The following PTPN13 variants were observed in gnomAD, a reference collection of about 807,000 sequenced individuals.
The protein encoded by PTPN13 is protein tyrosine phosphatase non-receptor type 13.
In PTPN13, 191 loss-of-function variants were observed where a neutral mutation model predicts 284.0. The observed-to-expected ratio is 0.67, with a 90% CI of 0.60 to 0.76. The LOEUF (loss-of-function observed/expected upper bound fraction) is 0.76, where lower values mean the gene tolerates loss of function less well. PTPN13 is among the 30% of genes least tolerant of loss of function. The pLI is 0.00. For synonymous variants in PTPN13, 986 were observed against 1,022.3 expected, an observed-to-expected ratio of 0.96 and a Z score of 0.68; for missense variants, 2,797 against 2,939.9, an observed-to-expected ratio of 0.95 and a Z score of 1.12.
chr4:86,783,855 A>G (rs1741608606), intron 37 of PTPN13, among the ~76,000 whole-genome samples: 1 of 152,010 alleles, frequency 6.6e-6, no homozygotes, highest in East Asian at 1.9e-4. Flanking sequence ...TGAACATTGC[A>G]TTCAAAATTT....
chr4:86,737,149 G>C (rs1735610037), intron 15 of PTPN13, among the ~76,000 whole-genome samples: 2 of 152,054 alleles, frequency 1.3e-5, no homozygotes, highest in Admixed American at 1.3e-4. Flanking sequence ...GCTGATGTAG[G>C]ATCACTTGAG....
intron 16 of PTPN13, among the ~76,000 whole-genome samples, chr4:86,743,389 G>A (rs1221450237): frequency 6.6e-6 from 1 of 150,458 alleles, no homozygotes; most frequent in East Asian, 1.9e-4. Flanking sequence ...TCATGTTTAT[G>A]CTTGAATCAG....
intron 40 of PTPN13, among the ~76,000 whole-genome samples, chr4:86,791,826 A>G (rs1288841239): frequency 1.3e-5 from 2 of 152,220 alleles, no homozygotes; most frequent in African/African-American, 4.8e-5. Flanking sequence ...CAAAAAGGAC[A>G]TCCACACCAA....
At chr4:86,719,023 G>T (rs559323760) in intron 9 of PTPN13, among the ~76,000 whole-genome samples, 106 of 152,100 alleles carry the variant, frequency 7.0e-4, no homozygotes, top group African/African-American at 2.4e-3. Flanking sequence ...ACATGTGAAG[G>T]TTTGTTATAT....
chr4:86,677,224 G>A (rs867398816), intron 3 of PTPN13, among the ~76,000 whole-genome samples: 2 of 151,628 alleles, frequency 1.3e-5, no homozygotes, highest in Admixed American at 6.6e-5. Context: ...CGGAGATCGC[G>A]CCACTGCACT....
chr4:86,711,636 A>G (rs1460535449), intron 7 of PTPN13, among the ~76,000 whole-genome samples: 1 of 152,216 alleles, frequency 6.6e-6, no homozygotes, highest in African/African-American at 2.4e-5. Flanking sequence ...GTCTAGTAAA[A>G]TAAGGAATAA....
At position 86,635,340 on chromosome 4, in the gene PTPN13, T is replaced by C. The variant is rs1722892102; in HGVS notation, c.84T>C (p.Ser28=). Residue 28 remains serine, a synonymous_variant, in exon 2 of 48, where the codon AGT becomes AGC. Transcript: ENST00000411767. ...EEEIWAVLNQ[S]AESLQELFRK... is the part of the protein sequence containing the mutation. ...AAATATGGGCTGTATTAAATCAAAG[T>C]GCTGAAAGTCTCCAAGAATTATTCA... is the stretch of plus-strand genomic sequence containing the variant. 5 of 1,603,984 alleles carry C rather than the reference T, an allele frequency of 3.1e-6. No individual in the cohort carries two copies. The African/African-American group carries it at 6.7e-5, about 21-fold the overall frequency.
intron 3 of PTPN13, among the ~76,000 whole-genome samples, chr4:86,681,649 C>T (rs557913979): frequency 1.4e-4 from 21 of 152,200 alleles, no homozygotes; most frequent in South Asian, 4.1e-4. Flanking sequence ...TAATGTAGGC[C>T]GGGCGTGGTG....
At chr4:86,605,464 G>A (rs111231484) in intron 1 of PTPN13, among the ~76,000 whole-genome samples, 1 of 151,866 alleles carries the variant, frequency 6.6e-6, no homozygotes, top group African/African-American at 2.4e-5. Context: ...ATTTAAAATG[G>A]CAGAGTGAGA....
intron 3 of PTPN13, among the ~76,000 whole-genome samples, chr4:86,681,943 A>G (rs919505414): frequency 6.6e-6 from 1 of 152,170 alleles, no homozygotes; most frequent in Non-Finnish European, 1.5e-5. Flanking sequence ...AAGAAAAAAA[A>G]AGGAAAGAAA....
chr4:86,731,830 C>T (rs1003771664), intron 10 of PTPN13, among the ~76,000 whole-genome samples: 13 of 152,050 alleles, frequency 8.5e-5, no homozygotes, highest in Admixed American at 4.6e-4. Context: ...TTTGTAGAAA[C>T]AGGGTCTAAC....
At chr4:86,803,021 T>G (rs1393877494) in intron 42 of PTPN13, among the ~76,000 whole-genome samples, 1 of 151,710 alleles carries the variant, frequency 6.6e-6, no homozygotes, top group Non-Finnish European at 1.5e-5. Context: ...TGCATTGAGC[T>G]GTGATTGTGC....
chr4:86,682,704 G>A (rs998626419), intron 3 of PTPN13, among the ~76,000 whole-genome samples: 1 of 152,132 alleles, frequency 6.6e-6, no homozygotes, highest in African/African-American at 2.4e-5. Flanking sequence ...AGTGATGTCA[G>A]TGCTGCTATA....
chr4:86,787,524 G>A (rs910651750), intron 40 of PTPN13, among the ~76,000 whole-genome samples: 11 of 151,770 alleles, frequency 7.2e-5, no homozygotes, highest in African/African-American at 2.4e-4. Flanking sequence ...CCTGGCAGAC[G>A]GAGGTTGCGG....
intron 7 of PTPN13, among the ~76,000 whole-genome samples, chr4:86,705,399 A>C (rs965993362): frequency 2.0e-5 from 3 of 151,824 alleles, no homozygotes; most frequent in Non-Finnish European, 4.4e-5. Context: ...TTTAGCTACT[A>C]TACAAAGAAA....
intron 33 of PTPN13, 36 bp from the exon 34 acceptor site, chr4:86,775,135 T>G: frequency 1.3e-6 from 2 of 1,484,274 alleles, no homozygotes. Context: ...TTTCTAAAAA[T>G]TGTGATCTTC....
At chr4:86,722,594 T>G (rs899670278) in intron 10 of PTPN13, among the ~76,000 whole-genome samples, 160 bp downstream of exon 10, 1 of 152,172 alleles carries the variant, frequency 6.6e-6, no homozygotes, top group Non-Finnish European at 1.5e-5. Context: ...ATCTTTTTGG[T>G]TGATTTTAAA....
intron 17 of PTPN13, among the ~76,000 whole-genome samples, chr4:86,746,860 A>T: frequency 6.6e-6 from 1 of 152,112 alleles, no homozygotes; most frequent in East Asian, 1.9e-4. Context: ...CAAACTCCTG[A>T]CCTTCGTGAT....
chr4:86,753,349 G>A (rs1737603286), intron 20 of PTPN13, among the ~76,000 whole-genome samples: 1 of 152,040 alleles, frequency 6.6e-6, no homozygotes, highest in South Asian at 2.1e-4. Context: ...TTTAACTGAG[G>A]CAGTTATTTT....
Sources: allele counts gnomAD v4.1 joint callset (sites outside exome capture counted in the v4.1 genomes callset), GRCh38; gene constraint gnomAD v4.1.1; transcripts MANE v1.5; gene names NCBI Gene and HGNC (gene_info 2026-07-23, HGNC 2026-07-21).